The following RASL12 variants were observed in gnomAD, a reference collection of about 807,000 sequenced individuals.
RASL12 encodes the protein RAS like family 12, also known as ras-like protein family member 12.
RASL12 carries 16 observed loss-of-function variants against 22.9 expected under a neutral mutation model. The ratio of observed to expected loss-of-function variants is 0.70; its 90% confidence interval spans 0.47 to 1.06. RASL12 has a LOEUF of 1.06. Ranked by LOEUF, RASL12 falls within the 50% of genes least tolerant of loss-of-function variation. RASL12 has a pLI of 0.00. For synonymous variants in RASL12, 159 were observed against 152.2 expected, an observed-to-expected ratio of 1.04 and a Z score of -0.33; for missense variants, 306 against 353.1, an observed-to-expected ratio of 0.87 and a Z score of 1.07.
At position 65,058,609 on chromosome 15, in the gene RASL12, G is replaced by A; in HGVS notation, c.243C>T (p.Pro81=). 4.5e-6 allele frequency: 7 copies of A among 1,561,112 alleles called. No homozygotes were observed. Among genetic ancestry groups the A allele is most frequent in the Non-Finnish European group, 6.1e-6 (7 of 1,145,030 alleles). The change falls in exon 4 of 5, where the codon CCC becomes CCT. Residue 81 remains proline, a synonymous_variant. Coordinates refer to ENST00000220062, the MANE Select transcript of RASL12 (RefSeq NM_016563.4). ...AGTTCAGGTAGCGCTCGCAGTTCCT[G>A]GGGGTGTCCTGGGGTGAAGGTGAGA... ...RVMDTADLDT[P]RNCERYLNWA...
At position 65,053,934 on chromosome 15, in the gene RASL12, G is replaced by A; in HGVS notation, c.*965C>T. 3.0e-6 allele frequency: 3 copies of A among 985,798 alleles called. No homozygotes were observed. Among genetic ancestry groups the A allele is most frequent in the Non-Finnish European group, 3.6e-6 (3 of 829,958 alleles). The allele number at this position is 985,798 out of a possible 1,614,324, so 61.1% of individuals were successfully genotyped here. ...GCTTTATTAACCCAAAATGCTTTAG[G>A]TTCTAAAGTGGGCTTTGAACACTCA... On this transcript the variant is annotated 3_prime_UTR_variant, in exon 5 of 5. Transcript: ENST00000220062.
At chr15:65,075,510 A>C (rs2086961083) in intron 1 of RASL12, among the ~76,000 whole-genome samples, 1 of 152,212 alleles carries the variant, frequency 6.6e-6, no homozygotes, top group Non-Finnish European at 1.5e-5. Flanking sequence ...GGACGTGGAG[A>C]GTCTTTATGT....
chr15:65,049,976 T>A (rs779482884), downstream of RASL12: 30 of 1,539,028 alleles, frequency 1.9e-5, no homozygotes, highest in Non-Finnish European at 2.2e-5. Context: ...TCTAAGGACC[T>A]CGTTGCACAC....
chr15:65,060,019 C>T (rs2086783174), intron 2 of RASL12, among the ~76,000 whole-genome samples: 1 of 152,228 alleles, frequency 6.6e-6, no homozygotes, highest in Admixed American at 6.5e-5. Flanking sequence ...TGCTTTTTAG[C>T]TTTGTGACTT....
Position 65,054,616 on chromosome 15 carries a change from C to T in RASL12, c.*283G>A, listed in dbSNP as rs980816503. ...AGCAGGATAGACACTGCAATTTCTT[C>T]CTACTTAAGGCTGACCCCAGGTCTC... On this transcript the variant is annotated 3_prime_UTR_variant, in exon 5 of 5. Coordinates refer to ENST00000220062, the MANE Select transcript of RASL12 (RefSeq NM_016563.4). 1.3e-5 allele frequency: 16 copies of T among 1,276,832 alleles called. No individual in the cohort carries two copies. The highest frequency in any genetic ancestry group is 1.6e-5 in the Non-Finnish European group (16 of 1,007,064). 79.1% of individuals were successfully genotyped at this position (1,276,832 alleles called of 1,614,324 possible).
chr15:65,049,257 G>T (rs1027640302), downstream of RASL12: 3 of 149,130 alleles, frequency 2.0e-5, no homozygotes, highest in South Asian at 4.2e-4. Context: ...CGAAGTAAGG[G>T]ATTTATCCAG....
chr15:65,053,092 G>C, downstream of RASL12: 1 of 1,614,144 alleles, frequency 6.2e-7, no homozygotes, highest in Non-Finnish European at 8.5e-7. Context: ...ACTTGGCCCA[G>C]GTGGAACTTG....
chr15:65,072,574 G>A (rs2086939405), upstream of RASL12, among the ~76,000 whole-genome samples: 1 of 152,194 alleles, frequency 6.6e-6, no homozygotes, highest in Non-Finnish European at 1.5e-5. Context: ...CTGGGCCTCA[G>A]TTTCCTCACC....
At chr15:65,056,478 T>C (rs1401710578) in intron 4 of RASL12, among the ~76,000 whole-genome samples, 6 of 152,158 alleles carry the variant, frequency 3.9e-5, no homozygotes, top group Non-Finnish European at 7.4e-5. Flanking sequence ...GGAACCCTTT[T>C]GGAAAGAACA....
chr15:65,048,661 C>T (rs571763429), downstream of RASL12, among the ~76,000 whole-genome samples: 10 of 152,308 alleles, frequency 6.6e-5, no homozygotes, highest in Non-Finnish European at 1.5e-4. Context: ...CTACTCCCTT[C>T]CTCCTCCTCC....
chr15:65,052,399 C>CTTTTTT (rs34021026), downstream of RASL12, among the ~76,000 whole-genome samples: 1 of 76,346 alleles, frequency 1.3e-5, no homozygotes, highest in African/African-American at 5.0e-5. Context: ...GCATCCTTGG[C>CTTTTTT]TTTTTTTTTT....
At chr15:65,069,354 T>C (rs1052381603), upstream of RASL12, among the ~76,000 whole-genome samples, 13 of 152,202 alleles carry the variant, frequency 8.5e-5, 1 homozygote, top group African/African-American at 1.4e-4. Context: ...CTTTGAGTTG[T>C]AGGAGTTGAG....
downstream of RASL12, chr15:65,049,806 T>G: frequency 5.1e-6 from 2 of 389,562 alleles, no homozygotes; most frequent in South Asian, 4.0e-5. Context: ...TTTTGTCCCA[T>G]AACTTTGGGC....
upstream of RASL12, among the ~76,000 whole-genome samples, chr15:65,072,407 G>A (rs1369234167): frequency 6.6e-6 from 1 of 152,178 alleles, no homozygotes; most frequent in African/African-American, 2.4e-5. Flanking sequence ...AGATTCATAC[G>A]TGAGGATCTA....
chr15:65,071,135 G>C (rs980179911), upstream of RASL12, among the ~76,000 whole-genome samples: 2 of 152,200 alleles, frequency 1.3e-5, no homozygotes, highest in African/African-American at 4.8e-5. Context: ...TCAGACTGGA[G>C]ACTCCCACAG....
intron 1 of RASL12, among the ~76,000 whole-genome samples, chr15:65,066,432 T>C (rs899862523): frequency 1.3e-5 from 2 of 151,970 alleles, no homozygotes; most frequent in Non-Finnish European, 2.9e-5. Context: ...GGAAGATCAC[T>C]TGAGCTCAGG....
chr15:65,071,704 T>TG (rs1381645294), upstream of RASL12, among the ~76,000 whole-genome samples: 2 of 152,122 alleles, frequency 1.3e-5, no homozygotes, highest in African/African-American at 4.8e-5. Flanking sequence ...GGAGAGGGCC[T>TG]GGCAATGGTT....
intron 4 of RASL12, among the ~76,000 whole-genome samples, chr15:65,056,224 T>C (rs1027774545): frequency 3.3e-5 from 5 of 152,174 alleles, no homozygotes; most frequent in African/African-American, 1.2e-4. Flanking sequence ...CCGAGGATAA[T>C]GGCACAGCCA....
At chr15:65,051,734 C>G (rs932843232), downstream of RASL12, 6 of 710,726 alleles carry the variant, frequency 8.4e-6, no homozygotes, top group East Asian at 2.8e-5. Context: ...CAAAATTCAG[C>G]CTTCAGTGTC....
Sources: allele counts gnomAD v4.1 joint callset (sites outside exome capture counted in the v4.1 genomes callset), GRCh38; gene constraint gnomAD v4.1.1; transcripts MANE v1.5; gene names NCBI Gene and HGNC (gene_info 2026-07-23, HGNC 2026-07-21).